Variants in PPP2R3A observed in about 807,000 individuals in gnomAD.
PPP2R3A encodes the protein protein phosphatase 2 regulatory subunit B''alpha, also known as serine/threonine-protein phosphatase 2A regulatory subunit B'' subunit alpha.
PPP2R3A carries 80 observed loss-of-function variants against 106.9 expected under a neutral mutation model. That is an observed-to-expected ratio of 0.75 (90% CI 0.62 to 0.90). PPP2R3A has a LOEUF of 0.90. PPP2R3A is among the 40% of genes least tolerant of loss of function. PPP2R3A has a pLI of 0.00. For missense variants in PPP2R3A, 1,386 were observed against 1,350.4 expected, an observed-to-expected ratio of 1.03 and a Z score of -0.41; for synonymous variants, 483 against 468.3, an observed-to-expected ratio of 1.03 and a Z score of -0.41.
At position 136,002,822 on chromosome 3, in the gene PPP2R3A, T is replaced by C. The variant is rs755415669; in HGVS notation, c.1324T>C (p.Leu442=). ...AGAGAATGGACCTAGTCATGAGTTA[T>C]TAAAGGTAAATGAACATAGAGCAGA... is the stretch of plus-strand genomic sequence containing the variant. ...KTENGPSHEL[L]KVNEHRAEFP... is the part of the protein sequence containing the mutation. Residue 442 remains leucine (L), a synonymous_variant, in exon 2 of 14, where the codon TTA becomes CTA. Coordinates refer to ENST00000264977, the MANE Select transcript of PPP2R3A (RefSeq NM_002718.5). 4.4e-5 allele frequency: 71 copies of C among 1,613,898 alleles called. No individual in the cohort carries two copies. The highest frequency in any genetic ancestry group is 5.8e-5 in the Non-Finnish European group (69 of 1,179,946).
chr3:136,082,533 C>T (rs941392870), intron 8 of PPP2R3A, 112 bp downstream of exon 8: 9 of 1,157,278 alleles, frequency 7.8e-6, no homozygotes, highest in Non-Finnish European at 1.1e-5. Context: ...ATCAAGTCCT[C>T]TTTACAGGCC....
At chr3:136,138,358 A>C (rs1224825870) in intron 13 of PPP2R3A, among the ~76,000 whole-genome samples, 1 of 152,230 alleles carries the variant, frequency 6.6e-6, no homozygotes, top group African/African-American at 2.4e-5. Flanking sequence ...TATGCTGTCT[A>C]CATCCACAAT....
At chr3:136,115,099 C>G (rs756660891) in intron 13 of PPP2R3A, among the ~76,000 whole-genome samples, 1 of 152,196 alleles carries the variant, frequency 6.6e-6, no homozygotes. Context: ...TGTTCTGCAG[C>G]CTCCGCTGAT....
At chr3:136,105,545 T>C (rs1357573644) in intron 12 of PPP2R3A, among the ~76,000 whole-genome samples, 1 of 152,186 alleles carries the variant, frequency 6.6e-6, no homozygotes, top group Non-Finnish European at 1.5e-5. Flanking sequence ...TAGTCTCAGC[T>C]ACTCAGTAGG....
At chr3:136,005,498 C>T (rs1377377341) in intron 2 of PPP2R3A, among the ~76,000 whole-genome samples, 1 of 152,102 alleles carries the variant, frequency 6.6e-6, no homozygotes, top group Non-Finnish European at 1.5e-5. Context: ...GTTCCCTGAG[C>T]ATTTCTGTGA....
intron 5 of PPP2R3A, among the ~76,000 whole-genome samples, chr3:136,051,410 G>A (rs1433406045): frequency 6.6e-6 from 1 of 152,102 alleles, no homozygotes; most frequent in Non-Finnish European, 1.5e-5. Flanking sequence ...GCTCACTGCA[G>A]CCTCCGCCTC....
intron 13 of PPP2R3A, among the ~76,000 whole-genome samples, chr3:136,108,072 G>A (rs762008108): frequency 6.6e-6 from 1 of 152,132 alleles, no homozygotes. Flanking sequence ...AGTTAGCCAG[G>A]TGTGATGGTG....
At chr3:135,967,086 C>A (rs1937111434) in intron 1 of PPP2R3A, among the ~76,000 whole-genome samples, 1 of 152,072 alleles carries the variant, frequency 6.6e-6, no homozygotes, top group African/African-American at 2.4e-5. Flanking sequence ...TAAGCCACTG[C>A]TAATTTACAC....
At chr3:136,138,695 ATTTTTTTTTTTTTTTTTTTT>A (rs747811648) in intron 13 of PPP2R3A, among the ~76,000 whole-genome samples, 10 of 50,598 alleles carry the variant, frequency 2.0e-4, no homozygotes, top group Non-Finnish European at 2.5e-4. Flanking sequence ...GAAATATTGA[ATTTTTTTTTTTTTTTTTTTT>A]TTTTTTTTTT....
At chr3:135,967,674 AAC>A (rs1264950111) in intron 1 of PPP2R3A, among the ~76,000 whole-genome samples, 2 of 152,120 alleles carry the variant, frequency 1.3e-5, no homozygotes, top group African/African-American at 4.8e-5. Flanking sequence ...TTACCTTTCA[AAC>A]ACACAGCTGA....
rs559152879 is a variant in PPP2R3A, at chr3:136,089,556, G to C, written c.2838-1022G>C. On this transcript the variant is annotated intron_variant, in intron 9 of 13. Transcript: ENST00000264977. ...GTTGTTTTTGCTTAAGATTGCTTTA[G>C]CTATTGGGACTTTGTTTTTGGTTCC... Among the ~76,000 whole-genome samples, 5 of 150,822 alleles carry C rather than the reference G, an allele frequency of 3.3e-5. No individual in the cohort carries two copies. In the South Asian group the frequency reaches 1.0e-3, roughly 32 times the overall value.
At chr3:136,015,748 A>G (rs577428379) in intron 2 of PPP2R3A, among the ~76,000 whole-genome samples, 13 of 151,606 alleles carry the variant, frequency 8.6e-5, no homozygotes, top group African/African-American at 2.9e-4. Context: ...AATTTTGTTT[A>G]TATTTTCAAA....
chr3:135,985,329 TTC>T (rs145190722), intron 1 of PPP2R3A, among the ~76,000 whole-genome samples: 49 of 128,396 alleles, frequency 3.8e-4, no homozygotes, highest in African/African-American at 6.1e-4. Context: ...CCCTTTCCCT[TTC>T]TCTCTCTCTC....
At chr3:136,034,103 T>G (rs1935002999) in intron 3 of PPP2R3A, among the ~76,000 whole-genome samples, 1 of 151,720 alleles carries the variant, frequency 6.6e-6, no homozygotes, top group Admixed American at 6.6e-5. Flanking sequence ...TGGCGTGATC[T>G]TGGCTCACTG....
At chr3:136,106,361 G>A (rs769480213) in intron 13 of PPP2R3A, 39 bp downstream of exon 13, 18 of 1,543,208 alleles carry the variant, frequency 1.2e-5, no homozygotes, top group Middle Eastern at 1.7e-4. Context: ...ATTTTTAACA[G>A]GAATGCGCAT....
At chr3:135,970,657 T>A (rs1255938101) in intron 1 of PPP2R3A, among the ~76,000 whole-genome samples, 1 of 152,000 alleles carries the variant, frequency 6.6e-6, no homozygotes, top group Non-Finnish European at 1.5e-5. Context: ...AGTAAGGAAA[T>A]GGGAGTGGCA....
At chr3:136,013,294 C>A (rs1036511024) in intron 2 of PPP2R3A, among the ~76,000 whole-genome samples, 1 of 151,924 alleles carries the variant, frequency 6.6e-6, no homozygotes, top group African/African-American at 2.4e-5. Flanking sequence ...TTTGCAATTG[C>A]AAATTGTGCT....
rs1423406168 is a variant in PPP2R3A at position 136,147,611 on chromosome 3, A to T, written c.*2445A>T. On this transcript the variant is annotated 3_prime_UTR_variant, in exon 14 of 14. Transcript: ENST00000264977. ...AAACTGGAATTTTCAAGTTATTATAATATCCCAGGCCCCTTGATAAAAGCT... is the reference window on the plus strand; with the variant it reads ...AAACTGGAATTTTCAAGTTATTATATTATCCCAGGCCCCTTGATAAAAGCT... 3 of 152,596 alleles carry T rather than the reference A, an allele frequency of 2.0e-5. No individual in the cohort carries two copies. Among genetic ancestry groups the T allele is most frequent in the African/African-American group, 4.8e-5 (2 of 41,454 alleles). The allele number at this position is 152,596 out of a possible 1,614,324, so 9.5% of individuals were successfully genotyped here. A position where few individuals can be genotyped will look rare whatever the true frequency, so the allele number is the denominator to read the frequency against.
At chr3:136,068,476 C>G (rs1936328205) in intron 5 of PPP2R3A, among the ~76,000 whole-genome samples, 1 of 152,098 alleles carries the variant, frequency 6.6e-6, no homozygotes, top group Admixed American at 6.5e-5. Flanking sequence ...TGAGATCGCA[C>G]CACTGCTGCC....
Sources: allele counts gnomAD v4.1 joint callset (sites outside exome capture counted in the v4.1 genomes callset), GRCh38; gene constraint gnomAD v4.1.1; transcripts MANE v1.5; gene names NCBI Gene and HGNC (gene_info 2026-07-23, HGNC 2026-07-21).